CA8: variants seen among roughly 807,000 people sequenced by gnomAD.
CA8 encodes carbonic anhydrase 8 (inactive).
CA8 carries 22 observed loss-of-function variants against 41.4 expected under a neutral mutation model. The observed-to-expected ratio is 0.53, with a 90% CI of 0.38 to 0.76. CA8 has a LOEUF of 0.76. CA8 is among the 30% of genes least tolerant of loss of function. The pLI is 0.00. For missense variants in CA8, 270 were observed against 352.8 expected, an observed-to-expected ratio of 0.77 and a Z score of 1.88; for synonymous variants, 121 against 130.6, an observed-to-expected ratio of 0.93 and a Z score of 0.50.
intron 3 of CA8, among the ~76,000 whole-genome samples, chr8:60,247,985 T>C (rs1808308274): frequency 6.6e-6 from 1 of 152,260 alleles, no homozygotes; most frequent in Admixed American, 6.5e-5. Flanking sequence ...TGGTTTTGAT[T>C]TGCGTTTCTC....
intron 8 of CA8, among the ~76,000 whole-genome samples, chr8:60,192,937 G>GCACACA (rs377257462): frequency 0.16 from 21,976 of 140,480 alleles, 1,771 homozygotes; most frequent in Middle Eastern, 0.23. Flanking sequence ...TCAACATCAT[G>GCACACA]CACACACACA....
intron 3 of CA8, among the ~76,000 whole-genome samples, chr8:60,261,668 T>C (rs542324773): frequency 1.3e-5 from 2 of 152,342 alleles, no homozygotes; most frequent in South Asian, 4.1e-4. Context: ...CCTCTCTTTA[T>C]AAAATGATGA....
At chr8:60,275,682 A>G (rs930712358) in intron 2 of CA8, among the ~76,000 whole-genome samples, 45 of 152,186 alleles carry the variant, frequency 3.0e-4, no homozygotes, top group African/African-American at 1.1e-3. Context: ...TATAAGAAAT[A>G]TAAGAAAATT....
At chr8:60,194,375 C>G (rs919506199) in intron 8 of CA8, among the ~76,000 whole-genome samples, 15 of 152,136 alleles carry the variant, frequency 9.9e-5, no homozygotes, top group African/African-American at 3.6e-4. Flanking sequence ...ACTGGATAAG[C>G]CCGTTGGTCC....
chr8:60,195,893 A>G (rs1482014029), intron 8 of CA8, among the ~76,000 whole-genome samples: 1 of 152,300 alleles, frequency 6.6e-6, no homozygotes, highest in East Asian at 1.9e-4. Context: ...AGAGGTCAGG[A>G]GTGTCAAACA....
intron 3 of CA8, among the ~76,000 whole-genome samples, chr8:60,262,290 T>C (rs1803758273): frequency 7.1e-6 from 1 of 141,292 alleles, no homozygotes. Context: ...ACAGTTCCAG[T>C]GGAATGGTGA....
rs1371782565 is a variant in CA8 at position 60,189,277 on chromosome 8, C to T, written c.*744G>A. ...AGCTATTCCTGGTACATGGTGCTGA[C>T]CTTCTTTTTATCCTATTTCTTACAC... On this transcript the variant is annotated 3_prime_UTR_variant, in exon 9 of 9. Transcript: ENST00000317995. The T allele has an allele frequency of 2.0e-5, 3 of 152,212 alleles. No individual in the cohort carries two copies. Among genetic ancestry groups the T allele is most frequent in the Non-Finnish European group, 2.9e-5 (2 of 67,982 alleles). 9.4% of individuals were successfully genotyped at this position (152,212 alleles called of 1,614,324 possible).
intron 4 of CA8, among the ~76,000 whole-genome samples, 166 bp from the exon 5 acceptor site, chr8:60,227,101 C>A (rs573040884): frequency 6.6e-6 from 1 of 152,122 alleles, no homozygotes; most frequent in African/African-American, 2.4e-5. Context: ...GCCATCCTGG[C>A]TACCACAGTG....
chr8:60,272,203 A>C (rs1484264177), intron 2 of CA8, among the ~76,000 whole-genome samples: 1 of 152,038 alleles, frequency 6.6e-6, no homozygotes, highest in Non-Finnish European at 1.5e-5. Flanking sequence ...CATTCTGTAG[A>C]TTGCATCGCA....
intron 4 of CA8, among the ~76,000 whole-genome samples, chr8:60,228,303 T>C (rs1262979827): frequency 6.6e-6 from 1 of 152,206 alleles, no homozygotes; most frequent in Non-Finnish European, 1.5e-5. Flanking sequence ...ACCTAATGCA[T>C]ATGTACCTGT....
intron 2 of CA8, among the ~76,000 whole-genome samples, chr8:60,268,498 A>C (rs1234839400): frequency 6.6e-6 from 1 of 152,214 alleles, no homozygotes; most frequent in African/African-American, 2.4e-5. Flanking sequence ...CCGCATGACC[A>C]ATGCTCAAAA....
chr8:60,198,280 T>C (rs78995426), intron 8 of CA8, among the ~76,000 whole-genome samples: 2,603 of 152,242 alleles, frequency 0.017, 86 homozygotes, highest in African/African-American at 0.059. Flanking sequence ...ATAGGATTGT[T>C]ACGAGGACTA....
In CA8 at chr8:60,232,355, T is replaced by C; in HGVS notation, c.442A>G (p.Thr148Ala). ...MELHLIHWNS[T>A]LFGSIDEAVG... ...GCCTCATCAATGCTGCCAAACAGAG[T>C]GGAGTTCCAGTGGATCAGATGGAGC... Residue 148 changes from threonine (T) to alanine (A), a missense_variant, in exon 4 of 9, where the codon ACT becomes GCT. By Grantham distance (58) the Thr-to-Ala change is moderately conservative. Transcript: ENST00000317995. The C allele has an allele frequency of 6.2e-7, 1 of 1,613,764 alleles. No homozygotes were observed. The highest frequency in any genetic ancestry group is 8.5e-7 in the Non-Finnish European group (1 of 1,179,792).
rs61057972 is a variant in CA8 at position 60,281,370 on chromosome 8, C to T, written c.-223G>A. On this transcript the variant is annotated 5_prime_UTR_variant, in exon 1 of 9. Transcript: ENST00000317995. ...CCCGCGTGGGAAGCGCGTCCGGAGGCCCCAGCAGAGCGAGGGAGCGGCTGT... is the reference window on the plus strand; with the variant it reads ...CCCGCGTGGGAAGCGCGTCCGGAGGTCCCAGCAGAGCGAGGGAGCGGCTGT... 82,514 of 560,038 alleles carry T rather than the reference C, an allele frequency of 0.15. 6,752 individuals carry two copies. The highest frequency in any genetic ancestry group is 0.23 in the East Asian group (7,522 of 32,320). 34.7% of individuals were successfully genotyped at this position (560,038 alleles called of 1,614,324 possible). A position where few individuals can be genotyped will look rare whatever the true frequency, so the allele number is the denominator to read the frequency against.
chr8:60,192,474 A>T (rs1460829177), intron 8 of CA8, among the ~76,000 whole-genome samples: 1 of 152,190 alleles, frequency 6.6e-6, no homozygotes, highest in Non-Finnish European at 1.5e-5. Flanking sequence ...CTGTGCTCCA[A>T]CATAAATGTG....
chr8:60,219,934 A>AC (rs1807179522), intron 7 of CA8, among the ~76,000 whole-genome samples: 1 of 98,276 alleles, frequency 1.0e-5, no homozygotes, highest in Non-Finnish European at 2.4e-5. Context: ...TAACTTAAAA[A>AC]AAAAAAAAAA....
chr8:60,191,141 A>C (rs1409439672), intron 8 of CA8, among the ~76,000 whole-genome samples: 5 of 151,856 alleles, frequency 3.3e-5, no homozygotes, highest in Non-Finnish European at 5.9e-5. Flanking sequence ...TAGTCACAAT[A>C]AAATCTTTTT....
chr8:60,211,181 A>G (rs1303508825), intron 7 of CA8, among the ~76,000 whole-genome samples: 1 of 152,206 alleles, frequency 6.6e-6, no homozygotes, highest in African/African-American at 2.4e-5. Flanking sequence ...CTAGGAAATA[A>G]GAAAGAACAT....
At chr8:60,219,164 C>CT (rs66853476) in intron 7 of CA8, among the ~76,000 whole-genome samples, 62,133 of 144,010 alleles carry the variant, frequency 0.43, 14,013 homozygotes, top group Non-Finnish European at 0.51. Flanking sequence ...GTTATTCTGC[C>CT]TTTTTTTTTT....
Sources: gnomAD v4.1 joint callset for allele counts (sites outside exome capture counted in the v4.1 genomes callset) on GRCh38, gnomAD v4.1.1 for gene constraint, MANE v1.5 for transcripts, NCBI Gene and HGNC (gene_info 2026-07-23, HGNC 2026-07-21) for gene names.